The following ZC3H6 variants were observed in gnomAD, a reference collection of about 807,000 sequenced individuals.
ZC3H6 encodes the protein zinc finger CCCH domain-containing protein 6.
ZC3H6 carries 40 observed loss-of-function variants against 107.7 expected under a neutral mutation model. The observed-to-expected ratio is 0.37, with a 90% CI of 0.29 to 0.48. The LOEUF is 0.48. ZC3H6 is among the 20% of genes least tolerant of loss of function. ZC3H6 has a pLI of 0.98. For synonymous variants in ZC3H6, 493 were observed against 487.9 expected (o/e 1.01, Z -0.14); for missense variants, 1,267 against 1,410.4 (o/e 0.90, Z 1.63).
At chr2:112,287,593 T>C (rs1686630488) in intron 1 of ZC3H6, among the ~76,000 whole-genome samples, 1 of 152,116 alleles carries the variant, frequency 6.6e-6, no homozygotes, top group Admixed American at 6.5e-5. Flanking sequence ...CAAAAACAAA[T>C]TTGTTGGAAA....
At chr2:112,276,066 G>A (rs763556229) in intron 1 of ZC3H6, 40 bp downstream of exon 1, 2 of 1,533,426 alleles carry the variant, frequency 1.3e-6, no homozygotes, top group South Asian at 2.4e-5. Context: ...TCGGATGAGA[G>A]GAGGGGTCTG....
At position 112,324,197 on chromosome 2, in the gene ZC3H6, T is replaced by G; in HGVS notation, c.1386T>G (p.Phe462Leu). The change falls in exon 10 of 12, where the codon TTT becomes TTG. Residue 462 changes from phenylalanine to leucine, a missense_variant. Physicochemically the swap from Phe to Leu is conservative, Grantham distance 22 (BLOSUM62 0). Coordinates refer to ENST00000409871, the MANE Select transcript of ZC3H6 (RefSeq NM_198581.3). ...YTSASPPGPQ[F>L]QGSSPHPQHI... ...GTGCCTCACCACCAGGACCACAATTTCAGGGAAGCAGTCCACACCCTCAAC... is the reference window on the plus strand; with the variant it reads ...GTGCCTCACCACCAGGACCACAATTGCAGGGAAGCAGTCCACACCCTCAAC... The G allele has an allele frequency of 6.3e-7, 1 of 1,592,892 alleles. No individual in the cohort carries two copies. Among genetic ancestry groups the G allele is most frequent in the Non-Finnish European group, 8.6e-7 (1 of 1,162,538 alleles).
intron 11 of ZC3H6, among the ~76,000 whole-genome samples, chr2:112,329,307 AAT>A (rs569940015): frequency 6.6e-6 from 1 of 152,128 alleles, no homozygotes; most frequent in African/African-American, 2.4e-5. Flanking sequence ...TAAATCATGA[AAT>A]ATATATATAA....
At chr2:112,303,132 C>G (rs1676415336) in intron 2 of ZC3H6, 97 bp from the exon 3 acceptor site, 2 of 1,423,776 alleles carry the variant, frequency 1.4e-6, no homozygotes, top group Non-Finnish European at 1.9e-6. Flanking sequence ...ATATAATCTA[C>G]TGGTTGGTAC....
In ZC3H6 at chr2:112,275,612, C is replaced by A. The variant is rs1306965006; in HGVS notation, c.-383C>A. 2 of 401,064 alleles carry A rather than the reference C, an allele frequency of 5.0e-6. No homozygotes were observed. The highest frequency in any genetic ancestry group is 2.1e-5 in the African/African-American group (1 of 48,606). 24.8% of individuals were successfully genotyped at this position (401,064 alleles called of 1,614,324 possible). A position where few individuals can be genotyped will look rare whatever the true frequency, so the allele number is the denominator to read the frequency against. Reference sequence around the variant, plus strand: ...TGCGGCCGGCGCCATTTTCTCGAGCCGCCTGTTTCGGGTGCCGCCATGTTG... The same window carrying A: ...TGCGGCCGGCGCCATTTTCTCGAGCAGCCTGTTTCGGGTGCCGCCATGTTG... On this transcript the variant is annotated 5_prime_UTR_variant, in exon 1 of 12. Transcript: ENST00000409871.
intron 5 of ZC3H6, chr2:112,312,148 T>C: frequency 2.0e-6 from 1 of 490,594 alleles, no homozygotes; most frequent in Non-Finnish European, 3.4e-6. Context: ...AATAAAATTG[T>C]TATGTTTGAA....
At chr2:112,324,905 A>G in intron 10 of ZC3H6, 59 bp from the exon 11 acceptor site, 13 of 1,441,870 alleles carry the variant, frequency 9.0e-6, no homozygotes, top group East Asian at 2.5e-5. Flanking sequence ...TTCATTTCTT[A>G]TGACTGGTGA....
Position 112,321,151 on chromosome 2 carries a change from T to G in ZC3H6, c.977-605T>G, listed in dbSNP as rs573675735. Among the ~76,000 whole-genome samples, 16 of 152,160 alleles carry G rather than the reference T, an allele frequency of 1.1e-4. No individual in the cohort carries two copies. In the South Asian group the frequency reaches 3.3e-3, roughly 31 times the overall value. ...TATATTTTTCACTATACTTCTAGAT[T>G]TAATATTTTCTTTATACGTTTGTCT... On this transcript the variant is annotated intron_variant, in intron 7 of 11. Transcript: ENST00000409871.
chr2:112,287,655 G>A (rs1686631892), intron 1 of ZC3H6, among the ~76,000 whole-genome samples: 1 of 152,102 alleles, frequency 6.6e-6, no homozygotes, highest in Admixed American at 6.5e-5. Context: ...GGCTGGAGGT[G>A]CAGTGGCACG....
chr2:112,325,142 A>G lies in ZC3H6; in HGVS notation c.2031A>G (p.Gln677=). 1 of 1,614,042 alleles carries G rather than the reference A, an allele frequency of 6.2e-7. No individual in the cohort carries two copies. Among genetic ancestry groups the G allele is most frequent in the East Asian group, 2.2e-5 (1 of 44,884 alleles). ...TTGTAAGACTTACTCAGAGATACCA[A>G]GAAGATGAAGAACAAACCAGCACCC... ...ALFVRLTQRY[Q]EDEEQTSTQP... is the part of the protein sequence containing the mutation. The change falls in exon 11 of 12, where the codon CAA becomes CAG. Residue 677 remains glutamine (Q), a synonymous_variant. Transcript: ENST00000409871.
chr2:112,304,072 T>C (rs1015667801), intron 3 of ZC3H6, among the ~76,000 whole-genome samples: 2 of 152,228 alleles, frequency 1.3e-5, no homozygotes, highest in African/African-American at 4.8e-5. Context: ...ATTTACATTA[T>C]TTACATAATG....
intron 3 of ZC3H6, among the ~76,000 whole-genome samples, chr2:112,309,383 C>A (rs1676553587): frequency 6.6e-6 from 1 of 152,150 alleles, no homozygotes; most frequent in Non-Finnish European, 1.5e-5. Context: ...AGGGAAAGCT[C>A]TGTTTTTTCT....
chr2:112,324,043 T>C, intron 9 of ZC3H6, 109 bp from the exon 10 acceptor site: 2 of 1,224,566 alleles, frequency 1.6e-6, no homozygotes, highest in South Asian at 1.7e-5. Flanking sequence ...CACACAGTAT[T>C]CTATTCTGAT....
At chr2:112,278,650 T>G (rs915979917) in intron 1 of ZC3H6, among the ~76,000 whole-genome samples, 15 of 152,192 alleles carry the variant, frequency 9.9e-5, no homozygotes, top group African/African-American at 3.4e-4. Context: ...TTTTCAAAAA[T>G]TAAGGCATAT....
At chr2:112,324,930 T>C in intron 10 of ZC3H6, 34 bp from the exon 11 acceptor site, 1 of 1,555,608 alleles carries the variant, frequency 6.4e-7, no homozygotes, top group Non-Finnish European at 8.7e-7. Context: ...TTGTGCTCAC[T>C]CAATGACTGT....
At chr2:112,317,434 T>C in intron 7 of ZC3H6, 102 bp downstream of exon 7, 1 of 638,048 alleles carries the variant, frequency 1.6e-6, no homozygotes, top group Non-Finnish European at 2.5e-6. Context: ...CCTAGTTTGG[T>C]TTTAAATTTA....
In ZC3H6 at chr2:112,303,159, C is replaced by A. The variant is rs926505424; in HGVS notation, c.214-70C>A. 3.2e-6 allele frequency: 5 copies of A among 1,543,184 alleles called. No homozygotes were observed. The African/African-American group carries it at 6.9e-5, about 21-fold the overall frequency. On this transcript the variant is annotated intron_variant, in intron 2 of 11. Transcript: ENST00000409871. ...GGTTGGTACCTCTGGCTGAAACAAG[C>A]TTATCTAATTACTAGTTAAATTTTC...
intron 1 of ZC3H6, among the ~76,000 whole-genome samples, chr2:112,282,454 T>A (rs570596676): frequency 1.3e-5 from 2 of 152,312 alleles, no homozygotes; most frequent in South Asian, 4.1e-4. Flanking sequence ...AGGTACTGTT[T>A]TAAGTGCTTT....
chr2:112,303,342 A>G lies in ZC3H6; in HGVS notation c.327A>G (p.Pro109=), dbSNP rs1676420931. 5 of 1,611,944 alleles carry G rather than the reference A, an allele frequency of 3.1e-6. No homozygotes were observed. Among genetic ancestry groups the G allele is most frequent in the Non-Finnish European group, 4.2e-6 (5 of 1,178,970 alleles). ...RTGFYRDYDI[P]FTQRGHISGS... ...GTTTCTACAGGGATTATGACATTCC[A>G]TTTACTCAGGTATTGCCATTTTTTT... The change falls in exon 3 of 12, where the codon CCA becomes CCG. Residue 109 remains proline, a synonymous_variant. Transcript: ENST00000409871.
Sources: allele counts gnomAD v4.1 joint callset (sites outside exome capture counted in the v4.1 genomes callset), GRCh38; gene constraint gnomAD v4.1.1; transcripts MANE v1.5; gene names NCBI Gene and HGNC (gene_info 2026-07-23, HGNC 2026-07-21).